The following ITGB4 variants were observed in gnomAD, a reference collection of about 807,000 sequenced individuals.
ITGB4 encodes integrin subunit beta 4, also known as integrin beta-4.
In ITGB4, 159 loss-of-function variants were observed where a neutral mutation model predicts 207.6. The observed-to-expected ratio is 0.77, with a 90% CI of 0.67 to 0.87. The LOEUF is 0.87. Among genes scored for constraint, ITGB4 ranks in the 40% least tolerant of loss-of-function variants. ITGB4 has a pLI of 0.00. For missense variants in ITGB4, 2,278 were observed against 2,546.8 expected (o/e 0.89, Z 2.27); for synonymous variants, 1,020 against 1,062.7 (o/e 0.96, Z 0.78).
Position 75,732,310 on chromosome 17 carries a change from G to A in ITGB4, c.1454+71G>A, listed in dbSNP as rs1261500237. 7 of 1,476,492 alleles carry A rather than the reference G, an allele frequency of 4.7e-6. No homozygotes were observed. In the East Asian group the frequency reaches 9.0e-5, roughly 19 times the overall value. 91.5% of individuals were successfully genotyped at this position (1,476,492 alleles called of 1,614,324 possible). A position where few individuals can be genotyped will look rare whatever the true frequency, so the allele number is the denominator to read the frequency against. Reference sequence around the variant, plus strand: ...GATGGGAAAGCTGGGCTCCTGCAGGGGCCTGGCCCTGGGTGCACCTTGTAC... The same window carrying A: ...GATGGGAAAGCTGGGCTCCTGCAGGAGCCTGGCCCTGGGTGCACCTTGTAC... On this transcript the variant is annotated intron_variant, in intron 12 of 39. Transcript: ENST00000200181. The surrounding 1 kb of genome is among the most constrained non-coding windows in gnomAD (Gnocchi z 5.3).
chr17:75,757,383 A>G (rs1185474945), intron 39 of ITGB4, 33 bp from the exon 40 acceptor site: 1 of 1,612,954 alleles, frequency 6.2e-7, no homozygotes, highest in East Asian at 2.2e-5. Context: ...GGCAGACCCC[A>G]AGCCAGGTCA....
At chr17:75,744,925 G>A (rs62088212) in intron 26 of ITGB4, among the ~76,000 whole-genome samples, 1 of 151,308 alleles carries the variant, frequency 6.6e-6, no homozygotes, top group East Asian at 2.0e-4. Context: ...TACCACGCCC[G>A]GCCTAGTTTT....
Position 75,739,702 on chromosome 17 carries a change from C to G in ITGB4, c.2251C>G (p.Arg751Gly). 1 of 1,614,132 alleles carries G rather than the reference C, an allele frequency of 6.2e-7. No homozygotes were observed. The highest frequency in any genetic ancestry group is 8.5e-7 in the Non-Finnish European group (1 of 1,180,030). ...CCTGGCACTTCTCCCGTGCTGCAAC[C>G]GAGGTATGGGCCTGGCATCGCAGGG... ...ACLALLPCCN[R>G]GHMVGFKEDH... is the part of the protein sequence containing the mutation. The change falls in exon 19 of 40, where the codon CGA (arginine) becomes GGA (glycine). Residue 751 changes from arginine (R) to glycine (G), a missense_variant. Arg to Gly is a moderately radical substitution (Grantham distance 125, BLOSUM62 -2). Coordinates refer to ENST00000200181, the MANE Select transcript of ITGB4 (RefSeq NM_000213.5). This position sits in a 1 kb window ranked among gnomAD's most constrained non-coding sequence, Gnocchi z 5.4.
Position 75,737,584 on chromosome 17 carries a change from C to T in ITGB4, c.2160C>T (p.Leu720=), listed in dbSNP as rs533226287. 1.2e-6 allele frequency: 2 copies of T among 1,608,788 alleles called. No homozygotes were observed. The highest frequency in any genetic ancestry group is 1.3e-5 in the African/African-American group (1 of 74,882). ...SFWWLIPLLL[L]LLPLLALLLL... is the part of the protein sequence containing the mutation. ...GGTGGCTCATCCCCCTGCTCCTCCT[C>T]CTCCTGCCGCTCCTGGCCCTGCTAC... The change falls in exon 18 of 40, where the codon CTC becomes CTT. Residue 720 remains leucine (L), a synonymous_variant. Transcript: ENST00000200181.
chr17:75,728,659 G>T (rs542441591), intron 6 of ITGB4, among the ~76,000 whole-genome samples, 186 bp downstream of exon 6: 26 of 152,076 alleles, frequency 1.7e-4, no homozygotes, highest in Non-Finnish European at 3.7e-4. Flanking sequence ...GACCAGCCTG[G>T]GCAACATGGC....
chr17:75,732,367 AACGGCTAAGGGCGGGGC>A lies in ITGB4; in HGVS notation c.1454+131_1454+147del, dbSNP rs2060882344. ...CTGGGGGTGGGGCGGCAATCAAAGA[AACGGCTAAGGGCGGGGC>A]ACACCCAGTTGTTGGTCAAACCCAG... On this transcript the variant is annotated intron_variant, in intron 12 of 39. Transcript: ENST00000200181. This position sits in a 1 kb window ranked among gnomAD's most constrained non-coding sequence, Gnocchi z 5.3. 2 of 882,840 alleles carry A rather than the reference AACGGCTAAGGGCGGGGC, an allele frequency of 2.3e-6. No homozygotes were observed. Among genetic ancestry groups the A allele is most frequent in the Non-Finnish European group, 3.7e-6 (2 of 541,130 alleles). 54.7% of individuals were successfully genotyped at this position (882,840 alleles called of 1,614,324 possible). A position where few individuals can be genotyped will look rare whatever the true frequency, so the allele number is the denominator to read the frequency against.
At position 75,731,856 on chromosome 17, in the gene ITGB4, G is replaced by T; in HGVS notation, c.1260G>T (p.Gly420=). 6.2e-7 allele frequency: 1 copy of T among 1,612,718 alleles called. No individual in the cohort carries two copies. The highest frequency in any genetic ancestry group is 8.5e-7 in the Non-Finnish European group (1 of 1,179,488). ...VQLRALEHVD[G]THVCQLPEDQ... ...TGCGGGCCCTTGAGCACGTGGATGGGACGCACGTGTGCCAGCTGCCGGAGG... is the reference window on the plus strand; with the variant it reads ...TGCGGGCCCTTGAGCACGTGGATGGTACGCACGTGTGCCAGCTGCCGGAGG... The change falls in exon 11 of 40, where the codon GGG becomes GGT. Residue 420 remains glycine, a synonymous_variant. Transcript: ENST00000200181. The surrounding 1 kb of genome is among the most constrained non-coding windows in gnomAD (Gnocchi z 6.8).
chr17:75,724,871 C>T (rs2148452610), intron 2 of ITGB4, 89 bp downstream of exon 2: 2 of 1,108,832 alleles, frequency 1.8e-6, no homozygotes, highest in Non-Finnish European at 2.7e-6. Context: ...CGGTGTCTCA[C>T]CTAAACACGC....
chr17:75,739,227 A>G lies in ITGB4; in HGVS notation c.2221-445A>G, dbSNP rs889346165. On this transcript the variant is annotated intron_variant, in intron 18 of 39. Transcript: ENST00000200181. The surrounding 1 kb of genome is among the most constrained non-coding windows in gnomAD (Gnocchi z 5.4). The stretch of plus-strand genomic sequence containing the variant: ...GGAGAATTGCTTGAACCTGGGAGGT[A>G]GAGGTTGCAGTGAGCCGCGATCGTG... 6.6e-5 allele frequency among the ~76,000 whole-genome samples: 10 copies of G among 150,546 alleles called. No individual in the cohort carries two copies. Among genetic ancestry groups the G allele is most frequent in the Non-Finnish European group, 1.0e-4 (7 of 67,542 alleles).
chr17:75,732,860 G>A lies in ITGB4; in HGVS notation c.1454+621G>A, dbSNP rs538457632. Among the ~76,000 whole-genome samples the A allele has an allele frequency of 3.9e-5, 6 of 152,138 alleles. No individual in the cohort carries two copies. Among genetic ancestry groups the A allele is most frequent in the Non-Finnish European group, 8.8e-5 (6 of 68,030 alleles). On this transcript the variant is annotated intron_variant, in intron 12 of 39. Coordinates refer to ENST00000200181, the MANE Select transcript of ITGB4 (RefSeq NM_000213.5). This position sits in a 1 kb window ranked among gnomAD's most constrained non-coding sequence, Gnocchi z 5.3. ...CCAGCACTTTGGGAGGCCGAGGTGG[G>A]TGGATCACCTGAGGTCAGGAGTTCA...
intron 32 of ITGB4, 84 bp downstream of exon 32, chr17:75,752,661 G>T: frequency 1.3e-6 from 2 of 1,551,566 alleles, no homozygotes; most frequent in Non-Finnish European, 1.8e-6. Context: ...AGGGCAAAGG[G>T]GCCAGCAACT....
At chr17:75,751,236 C>T (rs886654847) in intron 30 of ITGB4, 125 bp downstream of exon 30, 39 of 1,161,444 alleles carry the variant, frequency 3.4e-5, no homozygotes, top group Non-Finnish European at 4.5e-5. Flanking sequence ...GGCCTTCATC[C>T]TGGTCAGCGG....
Position 75,740,230 on chromosome 17 carries a change from C to A in ITGB4, c.2447-128C>A. 1 of 1,212,306 alleles carries A rather than the reference C, an allele frequency of 8.2e-7. No homozygotes were observed. The highest frequency in any genetic ancestry group is 1.2e-6 in the Non-Finnish European group (1 of 848,840). The allele number at this position is 1,212,306 out of a possible 1,614,324, so 75.1% of individuals were successfully genotyped here. On this transcript the variant is annotated intron_variant, in intron 20 of 39. Transcript: ENST00000200181. The surrounding 1 kb of genome is among the most constrained non-coding windows in gnomAD (Gnocchi z 5.9). ...TGATGGTGCTATGAACCTCATGCCT[C>A]GGTGTGCGTGGCCTGCTGGCCAGGC...
chr17:75,737,768 C>T (rs980800270), intron 18 of ITGB4, 124 bp downstream of exon 18: 7 of 816,796 alleles, frequency 8.6e-6, no homozygotes, highest in African/African-American at 8.5e-5. Context: ...TCCCCAACCC[C>T]TTCCTGGGTC....
rs748163372 is a variant in ITGB4 at position 75,743,704 on chromosome 17, T to C, written c.2963-9T>C. ...AGCACACTCTGACAAATGCCCGGGC[T>C]CCTTGCAGCCAGAGACGTGGTGTCC... On this transcript the variant is annotated splice_polypyrimidine_tract_variant and intron_variant, in intron 25 of 39. Coordinates refer to ENST00000200181, the MANE Select transcript of ITGB4 (RefSeq NM_000213.5). The C allele has an allele frequency of 6.2e-7, 1 of 1,613,256 alleles. No homozygotes were observed. The highest frequency in any genetic ancestry group is 2.2e-5 in the East Asian group (1 of 44,852).
Position 75,740,379 on chromosome 17 carries a change from G to A in ITGB4, c.2468G>A (p.Arg823His), listed in dbSNP as rs536954831. The stretch of plus-strand genomic sequence containing the variant: ...TTAGTGCCCTACGGGCTGTCCTTGC[G>A]CCTGGCCCGCCTTTGCACCGAGAAC... Reference protein sequence around the residue: ...TELVPYGLSLRLARLCTENLL... With the variant: ...TELVPYGLSLHLARLCTENLL... The change falls in exon 21 of 40, where the codon CGC (arginine) becomes CAC (histidine). Residue 823 changes from arginine (R) to histidine (H), a missense_variant. Physicochemically the swap from Arg to His is conservative, Grantham distance 29. Transcript: ENST00000200181. This position sits in a 1 kb window ranked among gnomAD's most constrained non-coding sequence, Gnocchi z 5.9. 21 of 1,613,600 alleles carry A rather than the reference G, an allele frequency of 1.3e-5. 1 individual carries two copies. In the East Asian group the frequency reaches 1.3e-4, roughly 10 times the overall value.
chr17:75,740,929 C>A lies in ITGB4; in HGVS notation c.2610-53C>A. The A allele has an allele frequency of 1.2e-6, 2 of 1,613,498 alleles. No homozygotes were observed. Among genetic ancestry groups the A allele is most frequent in the Non-Finnish European group, 8.5e-7 (1 of 1,179,584 alleles). ...CAGGAGCCGAAGCCCCCAGGCCGATCAGGCCTCCACTTCAGGGCTATCTAG... is the reference window on the plus strand; with the variant it reads ...CAGGAGCCGAAGCCCCCAGGCCGATAAGGCCTCCACTTCAGGGCTATCTAG... On this transcript the variant is annotated intron_variant, in intron 22 of 39. Transcript: ENST00000200181. This position sits in a 1 kb window ranked among gnomAD's most constrained non-coding sequence, Gnocchi z 5.9.
chr17:75,740,320 C>A lies in ITGB4; in HGVS notation c.2447-38C>A. 1.3e-6 allele frequency: 2 copies of A among 1,537,346 alleles called. No homozygotes were observed. Among genetic ancestry groups the A allele is most frequent in the South Asian group, 1.1e-5 (1 of 87,602 alleles). On this transcript the variant is annotated intron_variant, in intron 20 of 39. Coordinates refer to ENST00000200181, the MANE Select transcript of ITGB4 (RefSeq NM_000213.5). This position sits in a 1 kb window ranked among gnomAD's most constrained non-coding sequence, Gnocchi z 5.9. The stretch of plus-strand genomic sequence containing the variant: ...TGGTGCCTGTCATGCAGGGGGCTGA[C>A]CACCTCCATCTCACCCCCTCCCACC...
chr17:75,757,150 C>A (rs376475265), intron 38 of ITGB4, 43 bp downstream of exon 38: 1 of 1,612,508 alleles, frequency 6.2e-7, no homozygotes, highest in African/African-American at 1.3e-5. Context: ...CTCCTCGGGC[C>A]GTGCCTCCTT....
Sources: allele counts gnomAD v4.1 joint callset (sites outside exome capture counted in the v4.1 genomes callset), GRCh38; gene constraint gnomAD v4.1.1; non-coding constraint Gnocchi (gnomAD v3.1); transcripts MANE v1.5; gene names NCBI Gene and HGNC (gene_info 2026-07-23, HGNC 2026-07-21).